Variants in GABRB1 observed in about 807,000 individuals in gnomAD.
GABRB1 encodes the protein gamma-aminobutyric acid type A receptor subunit beta1, also known as gamma-aminobutyric acid receptor subunit beta-1.
In GABRB1, 17 loss-of-function variants were observed where a neutral mutation model predicts 51.6. The observed-to-expected ratio is 0.33, with a 90% CI of 0.23 to 0.49. The LOEUF (loss-of-function observed/expected upper bound fraction) is 0.49. Ranked by LOEUF, GABRB1 falls within the 20% of genes least tolerant of loss-of-function variation. The pLI, the probability that GABRB1 is intolerant of heterozygous loss-of-function variation, is 0.99. For missense variants in GABRB1, 410 were observed against 600.6 expected (o/e 0.68, Z 3.32); for synonymous variants, 247 against 218.9 (o/e 1.13, Z -1.14).
intron 4 of GABRB1, among the ~76,000 whole-genome samples, chr4:47,318,906 A>G (rs1406340521): frequency 6.6e-6 from 1 of 152,134 alleles, no homozygotes; most frequent in African/African-American, 2.4e-5. Flanking sequence ...CTTAATCTCC[A>G]GGAGCTACAA....
intron 4 of GABRB1, among the ~76,000 whole-genome samples, chr4:47,313,232 G>A (rs576688807): frequency 1.3e-5 from 2 of 152,280 alleles, no homozygotes; most frequent in East Asian, 3.9e-4. Flanking sequence ...TCTCTCTGCA[G>A]AAGAACAGTC....
chr4:47,188,859 C>A (rs1177153928), intron 4 of GABRB1, among the ~76,000 whole-genome samples: 2 of 151,980 alleles, frequency 1.3e-5, no homozygotes, highest in African/African-American at 2.4e-5. Context: ...TTGGGCATTA[C>A]AATAAATGTG....
At chr4:47,049,798 T>G (rs577531362) in intron 3 of GABRB1, among the ~76,000 whole-genome samples, 1 of 152,322 alleles carries the variant, frequency 6.6e-6, no homozygotes, top group Admixed American at 6.5e-5. Context: ...AAGACAGTCA[T>G]AGAACATAGT....
intron 4 of GABRB1, among the ~76,000 whole-genome samples, chr4:47,232,478 G>T (rs1234969841): frequency 6.6e-6 from 1 of 151,454 alleles, no homozygotes; most frequent in Non-Finnish European, 1.5e-5. Context: ...TTCTTATTTG[G>T]TTCATCCATG....
chr4:47,170,658 G>C (rs1718401031), intron 4 of GABRB1, among the ~76,000 whole-genome samples: 1 of 152,172 alleles, frequency 6.6e-6, no homozygotes, highest in Non-Finnish European at 1.5e-5. Flanking sequence ...ATAAATATGA[G>C]AGTTGATGTA....
intron 3 of GABRB1, among the ~76,000 whole-genome samples, chr4:47,051,443 C>A (rs1241725445): frequency 6.6e-6 from 1 of 152,160 alleles, no homozygotes; most frequent in Admixed American, 6.5e-5. Context: ...GTATTTATTT[C>A]TCAGTGTTGA....
At chr4:47,259,129 T>A (rs1369303943) in intron 4 of GABRB1, among the ~76,000 whole-genome samples, 1 of 152,066 alleles carries the variant, frequency 6.6e-6, no homozygotes. Flanking sequence ...GCAACTGACA[T>A]CCATCTTTGA....
At chr4:46,996,092 T>C (rs1013526638) in intron 1 of GABRB1, among the ~76,000 whole-genome samples, 2 of 150,602 alleles carry the variant, frequency 1.3e-5, no homozygotes, top group African/African-American at 2.4e-5. Flanking sequence ...TTTTTAGAAA[T>C]CTAACATTCT....
chr4:47,031,373 AACTCCGTTTAC>A (rs1725287716), upstream of GABRB1: 1 of 475,432 alleles, frequency 2.1e-6, no homozygotes, highest in Admixed American at 3.7e-5. Context: ...GCATGAAGGA[AACTCCGTTTAC>A]ACATGCTCGT....
intron 4 of GABRB1, among the ~76,000 whole-genome samples, chr4:47,246,101 G>A (rs1017455668): frequency 6.8e-6 from 1 of 147,880 alleles, no homozygotes; most frequent in South Asian, 2.1e-4. Context: ...ACAGTCCATT[G>A]TATCATTCTT....
chr4:46,997,752 A>G (rs1724047860), intron 1 of GABRB1, among the ~76,000 whole-genome samples: 1 of 152,178 alleles, frequency 6.6e-6, no homozygotes, highest in African/African-American at 2.4e-5. Flanking sequence ...GTATATATAT[A>G]CACACACATA....
chr4:47,303,627 T>C (rs191130698), intron 4 of GABRB1, among the ~76,000 whole-genome samples: 6 of 152,148 alleles, frequency 3.9e-5, no homozygotes, highest in Admixed American at 3.9e-4. Context: ...CATTTATTTT[T>C]AACTGACAAA....
chr4:47,237,490 A>T (rs752542278), intron 4 of GABRB1, among the ~76,000 whole-genome samples: 2 of 152,084 alleles, frequency 1.3e-5, no homozygotes, highest in Non-Finnish European at 2.9e-5. Context: ...GAGAAAAGGA[A>T]TAATTCATTC....
chr4:47,264,795 G>A (rs945605939), intron 4 of GABRB1, among the ~76,000 whole-genome samples: 28 of 152,094 alleles, frequency 1.8e-4, no homozygotes, highest in African/African-American at 5.8e-4. Flanking sequence ...TTCCTTTTAC[G>A]CTTCTGCAAT....
chr4:47,002,228 C>A (rs539871959), intron 1 of GABRB1, among the ~76,000 whole-genome samples: 1 of 152,188 alleles, frequency 6.6e-6, no homozygotes, highest in South Asian at 2.1e-4. Flanking sequence ...AAAACATAGG[C>A]CTAAGCCTTT....
intron 5 of GABRB1, among the ~76,000 whole-genome samples, chr4:47,330,505 T>C (rs1725438770): frequency 1.3e-5 from 2 of 152,152 alleles, no homozygotes; most frequent in Non-Finnish European, 1.5e-5. Flanking sequence ...GAAGGTAGAT[T>C]TAGAAGTTAA....
chr4:47,401,485 T>G (rs1484579308), intron 5 of GABRB1, among the ~76,000 whole-genome samples: 1 of 152,156 alleles, frequency 6.6e-6, no homozygotes, highest in Non-Finnish European at 1.5e-5. Context: ...TTCTTTGATC[T>G]CACTGTTCTA....
intron 1 of GABRB1, among the ~76,000 whole-genome samples, chr4:47,007,771 A>G (rs1396802352): frequency 2.6e-5 from 4 of 151,542 alleles, no homozygotes; most frequent in Admixed American, 6.6e-5. Context: ...GAGGCCGGAT[A>G]GGGGAGACAG....
chr4:47,056,923 TG>T (rs1165807945), intron 3 of GABRB1, among the ~76,000 whole-genome samples: 2 of 152,188 alleles, frequency 1.3e-5, no homozygotes, highest in Middle Eastern at 3.4e-3. Context: ...CTGCCCAACA[TG>T]GTGAAACCCT....
Sources: gnomAD v4.1 joint callset for allele counts (sites outside exome capture counted in the v4.1 genomes callset) on GRCh38, gnomAD v4.1.1 for gene constraint, MANE v1.5 for transcripts, NCBI Gene and HGNC (gene_info 2026-07-23, HGNC 2026-07-21) for gene names.